The following TANC2 variants were observed in gnomAD, a reference collection of about 807,000 sequenced individuals.
The protein encoded by TANC2 is protein TANC2.
Under a neutral mutation model 210.5 loss-of-function variants are expected in TANC2, and 26 were observed. That is an observed-to-expected ratio of 0.12 (90% CI 0.09 to 0.17). The LOEUF is 0.17. Ranked by LOEUF, TANC2 falls within the 10% of genes least tolerant of loss-of-function variation. The pLI, the probability that TANC2 is intolerant of heterozygous loss-of-function variation, is 1.00. For synonymous variants in TANC2, 931 were observed against 967.1 expected (o/e 0.96, Z 0.69); for missense variants, 2,129 against 2,608.9 (o/e 0.82, Z 4.01).
At chr17:63,003,223 C>T (rs763131423) in intron 1 of TANC2, among the ~76,000 whole-genome samples, 1 of 152,082 alleles carries the variant, frequency 6.6e-6, no homozygotes, top group African/African-American at 2.4e-5. Flanking sequence ...ATGTTGAGCC[C>T]TTATAATTTG....
intron 2 of TANC2, among the ~76,000 whole-genome samples, chr17:63,058,080 A>G (rs1292743451): frequency 6.6e-6 from 1 of 152,122 alleles, no homozygotes; most frequent in Non-Finnish European, 1.5e-5. Context: ...TTTCTCCGCA[A>G]TTTGCCAGTA....
At chr17:63,010,719 T>G (rs75562144) in intron 2 of TANC2, among the ~76,000 whole-genome samples, 2,728 of 152,280 alleles carry the variant, frequency 0.018, 39 homozygotes, top group Non-Finnish European at 0.029. Flanking sequence ...GTTCTATCAT[T>G]TGTTAGAATG....
chr17:63,305,096 GT>G lies in TANC2; in HGVS notation c.1160-9291del, dbSNP rs1437540586. On this transcript the variant is annotated intron_variant, in intron 9 of 27. Transcript: ENST00000689528. ...GCAGGCAGCTGCAGCCGTGGTGCTG[GT>G]CACCACCCCCGCTACCCCCAGGAGC... 2.6e-5 allele frequency among the ~76,000 whole-genome samples: 4 copies of G among 152,296 alleles called. No individual in the cohort carries two copies. In the East Asian group the frequency reaches 5.8e-4, roughly 22 times the overall value.
chr17:63,155,211 AAAAAC>A (rs2039794858), intron 5 of TANC2: 3 of 152,052 alleles, frequency 2.0e-5, no homozygotes, highest in African/African-American at 4.8e-5. Context: ...TATCTTTAAA[AAAAAC>A]AAAAACAAAA....
chr17:63,349,112 A>G (rs763185354), intron 12 of TANC2, among the ~76,000 whole-genome samples: 7 of 152,122 alleles, frequency 4.6e-5, no homozygotes, highest in Non-Finnish European at 8.8e-5. Flanking sequence ...TCAAAACAGG[A>G]AATCTCAAAA....
chr17:63,011,515 A>C (rs896844914), intron 2 of TANC2, among the ~76,000 whole-genome samples: 4 of 152,098 alleles, frequency 2.6e-5, no homozygotes, highest in African/African-American at 9.7e-5. Flanking sequence ...AAAGTGTGAT[A>C]AAATACCACA....
At chr17:63,340,278 C>A (rs764550479) in exon 12 of TANC2, 21 of 1,613,926 alleles carry the variant, frequency 1.3e-5, no homozygotes, top group Non-Finnish European at 1.8e-5. Context: ...TGTTCAAGAC[C>A]CCATGGCCTC....
At chr17:63,090,595 T>C (rs530563034) in intron 3 of TANC2, among the ~76,000 whole-genome samples, 1 of 152,232 alleles carries the variant, frequency 6.6e-6, no homozygotes, top group African/African-American at 2.4e-5. Flanking sequence ...GTTTTCTTAA[T>C]CCAGTCTATC....
intron 1 of TANC2, among the ~76,000 whole-genome samples, chr17:63,009,126 T>G (rs866209200): frequency 6.6e-6 from 1 of 152,112 alleles, no homozygotes; most frequent in South Asian, 2.1e-4. Flanking sequence ...TTTAGCACTT[T>G]TATTACTTTT....
At chr17:63,333,965 AT>A (rs1244787593) in intron 11 of TANC2, 1 of 152,382 alleles carries the variant, frequency 6.6e-6, no homozygotes, top group African/African-American at 2.4e-5. Flanking sequence ...CACTTAATAG[AT>A]TATAGTGTAA....
chr17:63,049,784 C>T (rs774150795), intron 2 of TANC2, among the ~76,000 whole-genome samples: 88 of 152,112 alleles, frequency 5.8e-4, no homozygotes, highest in Non-Finnish European at 9.4e-4. Context: ...AGCAGAGAAA[C>T]CAGGTTAGTC....
chr17:63,201,405 G>C (rs1184353131), intron 7 of TANC2, among the ~76,000 whole-genome samples: 2 of 152,044 alleles, frequency 1.3e-5, no homozygotes, highest in African/African-American at 4.8e-5. Context: ...AATTAGTTTT[G>C]GGAGCCCCTT....
chr17:63,266,512 G>A (rs2043532908), intron 8 of TANC2, among the ~76,000 whole-genome samples: 1 of 152,104 alleles, frequency 6.6e-6, no homozygotes, highest in African/African-American at 2.4e-5. Flanking sequence ...TCCTTATGCT[G>A]AGGGAATTCT....
At chr17:63,203,001 A>T (rs1476993639) in intron 7 of TANC2, among the ~76,000 whole-genome samples, 1 of 152,084 alleles carries the variant, frequency 6.6e-6, no homozygotes, top group Non-Finnish European at 1.5e-5. Context: ...GCGAACACTT[A>T]GGTTGCTTCC....
At chr17:63,198,676 C>G (rs2145782407) in intron 6 of TANC2, among the ~76,000 whole-genome samples, 1 of 151,866 alleles carries the variant, frequency 6.6e-6, no homozygotes, top group South Asian at 2.1e-4. Flanking sequence ...CAGTATCTGT[C>G]AATTTTGTAA....
At chr17:63,018,912 T>C (rs2034230206) in intron 2 of TANC2, among the ~76,000 whole-genome samples, 1 of 152,254 alleles carries the variant, frequency 6.6e-6, no homozygotes, top group South Asian at 2.1e-4. Context: ...ATGTATTCCA[T>C]GGTATGGTTA....
At chr17:63,289,707 C>A (rs545043326) in intron 9 of TANC2, among the ~76,000 whole-genome samples, 1 of 152,290 alleles carries the variant, frequency 6.6e-6, no homozygotes, top group East Asian at 1.9e-4. Context: ...CTCACCCTGT[C>A]TCTTCACATT....
intron 14 of TANC2, among the ~76,000 whole-genome samples, chr17:63,379,053 C>G (rs574232364): frequency 5.9e-5 from 9 of 151,988 alleles, no homozygotes. Flanking sequence ...TAATCTAGAG[C>G]GAGGAAAGAA....
At chr17:63,270,028 C>T (rs893301284) in intron 9 of TANC2, among the ~76,000 whole-genome samples, 1 of 152,108 alleles carries the variant, frequency 6.6e-6, no homozygotes, top group Admixed American at 6.6e-5. Flanking sequence ...TCCTTGAAGT[C>T]ATCTTTATTT....
Sources: allele counts gnomAD v4.1 joint callset (sites outside exome capture counted in the v4.1 genomes callset), GRCh38; gene constraint gnomAD v4.1.1; transcripts MANE v1.5; gene names NCBI Gene and HGNC (gene_info 2026-07-23, HGNC 2026-07-21).